COL14A1: variants seen among roughly 807,000 people sequenced by gnomAD.
The protein encoded by COL14A1 is collagen type XIV alpha 1 chain, also known as collagen alpha-1(XIV) chain.
COL14A1 carries 136 observed loss-of-function variants against 230.3 expected under a neutral mutation model. The observed-to-expected ratio is 0.59, with a 90% CI of 0.51 to 0.68. COL14A1 has a LOEUF of 0.68. Ranked by LOEUF, COL14A1 falls within the 30% of genes least tolerant of loss-of-function variation. COL14A1 has a pLI of 0.00. For missense variants in COL14A1, 1,976 were observed against 2,215.8 expected, an observed-to-expected ratio of 0.89 and a Z score of 2.17; for synonymous variants, 792 against 784.1, an observed-to-expected ratio of 1.01 and a Z score of -0.17.
At chr8:120,272,617 G>A (rs1819703583) in intron 26 of COL14A1, among the ~76,000 whole-genome samples, 1 of 150,836 alleles carries the variant, frequency 6.6e-6, no homozygotes, top group African/African-American at 2.4e-5. Context: ...CATGCAAATG[G>A]AAACCCAAAG....
chr8:120,297,675 A>G (rs1251304935), intron 35 of COL14A1, 87 bp downstream of exon 35: 2 of 663,030 alleles, frequency 3.0e-6, no homozygotes, highest in African/African-American at 1.9e-5. Flanking sequence ...CATTCATATC[A>G]TAGGCAACTC....
At chr8:120,247,531 C>G (rs1818802261) in intron 20 of COL14A1, 82 bp from the exon 21 acceptor site, 1 of 1,290,014 alleles carries the variant, frequency 7.8e-7, no homozygotes, top group South Asian at 1.7e-5. Context: ...GGGAAGATGT[C>G]TTATATTTTG....
rs142513134 is a variant in COL14A1, at chr8:120,231,109, C to T, written c.2198-358C>T. 3.3e-3 allele frequency among the ~76,000 whole-genome samples: 503 copies of T among 152,258 alleles called. 4 individuals are homozygous for T. Among genetic ancestry groups the T allele is most frequent in the African/African-American group, 0.01 (434 of 41,570 alleles). On this transcript the variant is annotated intron_variant, in intron 18 of 47. Transcript: ENST00000297848. ...AGTCTGGCCCACTGTGCCCACTTGT[C>T]CACAGAGCACTAGTGTGAGGTTCTC... is the stretch of plus-strand genomic sequence containing the variant.
chr8:120,196,177 G>C (rs1430834068), intron 5 of COL14A1, among the ~76,000 whole-genome samples: 1 of 152,160 alleles, frequency 6.6e-6, no homozygotes, highest in Non-Finnish European at 1.5e-5. Context: ...AAAATTTACT[G>C]TCACATACAC....
At chr8:120,198,397 A>G (rs944410963) in intron 7 of COL14A1, among the ~76,000 whole-genome samples, 30 of 152,196 alleles carry the variant, frequency 2.0e-4, no homozygotes, top group African/African-American at 7.0e-4. Flanking sequence ...TAATAATAAT[A>G]TGGATCTTTG....
intron 21 of COL14A1, among the ~76,000 whole-genome samples, chr8:120,249,093 AT>A (rs773091250): frequency 9.0e-4 from 115 of 127,874 alleles, no homozygotes; most frequent in Non-Finnish European, 7.0e-4. Flanking sequence ...CGCCCGGCTA[AT>A]TTTTTTTTTT....
chr8:120,350,546 A>T (rs1586889314), intron 45 of COL14A1, among the ~76,000 whole-genome samples: 1 of 151,070 alleles, frequency 6.6e-6, no homozygotes, highest in Non-Finnish European at 1.5e-5. Flanking sequence ...AGGAAGATCT[A>T]CCAAGCCAAT....
chr8:120,306,557 C>T (rs1206878067), intron 36 of COL14A1, among the ~76,000 whole-genome samples: 8 of 152,194 alleles, frequency 5.3e-5, no homozygotes, highest in Admixed American at 3.3e-4. Context: ...AGTAGTATGA[C>T]GTATCAATAA....
chr8:120,286,730 C>T (rs1243585554), intron 33 of COL14A1, among the ~76,000 whole-genome samples: 4 of 152,158 alleles, frequency 2.6e-5, no homozygotes, highest in Admixed American at 2.0e-4. Flanking sequence ...AGGATGGTCT[C>T]GATCTCCTGA....
Position 120,278,054 on chromosome 8 carries a change from C to G in COL14A1, c.3214-57C>G, listed in dbSNP as rs185370321. 6.2e-5 allele frequency: 91 copies of G among 1,475,634 alleles called. No individual in the cohort carries two copies. The African/African-American group carries it at 1.2e-3, about 19-fold the overall frequency. The allele number at this position is 1,475,634 out of a possible 1,614,324, so 91.4% of individuals were successfully genotyped here. A position where few individuals can be genotyped will look rare whatever the true frequency, so the allele number is the denominator to read the frequency against. ...CTACAGGTGACACTGTGCTGTTGCTCTCTGACCCAGTGGAAGTCTACATAT... is the reference window on the plus strand; with the variant it reads ...CTACAGGTGACACTGTGCTGTTGCTGTCTGACCCAGTGGAAGTCTACATAT... On this transcript the variant is annotated intron_variant, in intron 26 of 47. Coordinates refer to ENST00000297848, the MANE Select transcript of COL14A1 (RefSeq NM_021110.4).
chr8:120,164,394 G>T (rs1815794042), intron 4 of COL14A1, among the ~76,000 whole-genome samples: 1 of 152,034 alleles, frequency 6.6e-6, no homozygotes, highest in Admixed American at 6.6e-5. Context: ...GTTCTATCTA[G>T]ATTTTTTACA....
intron 2 of COL14A1, among the ~76,000 whole-genome samples, chr8:120,153,942 GT>G (rs1311734286): frequency 6.6e-6 from 1 of 152,112 alleles, no homozygotes; most frequent in African/African-American, 2.4e-5. Flanking sequence ...GCTTGACCGG[GT>G]TTAAGTGATT....
intron 12 of COL14A1, among the ~76,000 whole-genome samples, chr8:120,211,976 C>T (rs147763604): frequency 1.3e-5 from 2 of 152,192 alleles, no homozygotes; most frequent in Non-Finnish European, 2.9e-5. Flanking sequence ...TGAATGGGGA[C>T]ACAAAACTGG....
chr8:120,129,818 C>T (rs1444319839), intron 1 of COL14A1, among the ~76,000 whole-genome samples: 4 of 152,230 alleles, frequency 2.6e-5, no homozygotes, highest in Non-Finnish European at 5.9e-5. Flanking sequence ...GCTGTACACA[C>T]ATTAGCCCTG....
chr8:120,283,176 G>T (rs1455092767), intron 31 of COL14A1, among the ~76,000 whole-genome samples: 1 of 152,196 alleles, frequency 6.6e-6, no homozygotes, highest in Non-Finnish European at 1.5e-5. Flanking sequence ...GGTGGATCTG[G>T]ATGGTGCAAC....
chr8:120,212,556 G>A lies in COL14A1; in HGVS notation c.1576G>A (p.Val526Ile). The A allele has an allele frequency of 6.2e-7, 1 of 1,613,554 alleles. No homozygotes were observed. The highest frequency in any genetic ancestry group is 8.5e-7 in the Non-Finnish European group (1 of 1,179,582). Reference protein sequence around the residue: ...AMFGEEASDPVTGQETTLALS... With the variant: ...AMFGEEASDPITGQETTLALS... ...GTTTGGAGAAGAGGCCAGTGATCCT[G>A]TTACGGGACAAGAAACAACATGTGA... The change falls in exon 13 of 48, where the codon GTT (valine) becomes ATT (isoleucine). Residue 526 changes from valine to isoleucine, a missense_variant. Transcript: ENST00000297848.
At chr8:120,170,155 T>A (rs1816049438) in intron 5 of COL14A1, among the ~76,000 whole-genome samples, 1 of 152,046 alleles carries the variant, frequency 6.6e-6, no homozygotes, top group South Asian at 2.1e-4. Flanking sequence ...CATGTGTATA[T>A]TTTTATAGCT....
chr8:120,198,215 A>C (rs1314041242), intron 7 of COL14A1, among the ~76,000 whole-genome samples: 1 of 152,164 alleles, frequency 6.6e-6, no homozygotes, highest in Non-Finnish European at 1.5e-5. Context: ...TTTGTCAGCT[A>C]ATCTCTTCGC....
At position 120,207,073 on chromosome 8, in the gene COL14A1, CA is replaced by C. The variant is rs1328650366; in HGVS notation, c.1171del (p.Arg391GlyfsTer10). 1.2e-6 allele frequency: 2 copies of C among 1,611,694 alleles called. No individual in the cohort carries two copies. Among genetic ancestry groups the C allele is most frequent in the South Asian group, 1.1e-5 (1 of 90,304 alleles). ...EKYRVVYYPT[R>X]GGKPDEVVVD... ...AATACAGAGTTGTGTATTATCCTAC[CA>C]GGGGTGGAAAACCAGACGAGGTAAT... On this transcript the variant is annotated frameshift_variant, in exon 10 of 48. Coordinates refer to ENST00000297848, the MANE Select transcript of COL14A1 (RefSeq NM_021110.4). LOFTEE classifies it high-confidence loss of function.
Sources: gnomAD v4.1 joint callset for allele counts (sites outside exome capture counted in the v4.1 genomes callset) on GRCh38, gnomAD v4.1.1 for gene constraint, MANE v1.5 for transcripts, NCBI Gene and HGNC (gene_info 2026-07-23, HGNC 2026-07-21) for gene names.